The following RPS6KB1 variants were observed in gnomAD, a reference collection of about 807,000 sequenced individuals.
RPS6KB1 encodes ribosomal protein S6 kinase beta-1.
A neutral mutation model predicts 70.2 loss-of-function variants in RPS6KB1; 12 were observed. The observed-to-expected ratio is 0.17, with a 90% CI of 0.11 to 0.28. The LOEUF (loss-of-function observed/expected upper bound fraction) is 0.28, where lower values mean the gene tolerates loss of function less well. RPS6KB1 is among the 10% of genes least tolerant of loss of function. The probability of loss-of-function intolerance (pLI) is 1.00; values close to 1 mark genes in which losing one functional copy is unlikely to be tolerated. For synonymous variants in RPS6KB1, 175 were observed against 211.2 expected (o/e 0.83, Z 1.49); for missense variants, 270 against 646.6 (o/e 0.42, Z 6.32).
chr17:59,936,991 C>G (rs2044282143), intron 12 of RPS6KB1, among the ~76,000 whole-genome samples: 1 of 152,142 alleles, frequency 6.6e-6, no homozygotes, highest in African/African-American at 2.4e-5. Context: ...TCCCAAATAG[C>G]TACGACTACA....
intron 1 of RPS6KB1, among the ~76,000 whole-genome samples, chr17:59,906,402 G>A (rs1568398811): frequency 6.6e-6 from 1 of 152,078 alleles, no homozygotes; most frequent in South Asian, 2.1e-4. Flanking sequence ...TAGCTTTGTT[G>A]CCCAGGCTGG....
Position 59,935,631 on chromosome 17 carries a change from C to A in RPS6KB1, c.978+331C>A, listed in dbSNP as rs1427501627. Among the ~76,000 whole-genome samples the A allele has an allele frequency of 5.9e-5, 9 of 151,848 alleles. No homozygotes were observed. In the East Asian group the frequency reaches 1.7e-3, roughly 30 times the overall value. The stretch of plus-strand genomic sequence containing the variant: ...CTGGGATTACAGGCACCCGCCACCA[C>A]GCCCGGCTAATTTTTGTATTTTTAG... On this transcript the variant is annotated intron_variant, in intron 10 of 14. Transcript: ENST00000225577.
At chr17:59,944,002 T>C (rs796629719) in intron 13 of RPS6KB1, among the ~76,000 whole-genome samples, 2 of 151,754 alleles carry the variant, frequency 1.3e-5, no homozygotes, top group African/African-American at 4.8e-5. Flanking sequence ...TTTCAACAAA[T>C]ATTTTAATTC....
chr17:59,912,379 G>C (rs72840305), intron 2 of RPS6KB1: 1 of 257,620 alleles, frequency 3.9e-6, no homozygotes, highest in Non-Finnish European at 7.7e-6. Flanking sequence ...GATCTTACTT[G>C]AATGGATTAT....
rs561114134 is a variant in RPS6KB1, at chr17:59,905,189, G to A, written c.142-5373G>A. On this transcript the variant is annotated intron_variant, in intron 1 of 14. Coordinates refer to ENST00000225577, the MANE Select transcript of RPS6KB1 (RefSeq NM_003161.4). The stretch of plus-strand genomic sequence containing the variant: ...TGCGCCACTATGCCTGGCTAATTTT[G>A]TAGAGACCAAGTTTCACCATGTTGC... 2.0e-5 allele frequency among the ~76,000 whole-genome samples: 3 copies of A among 150,986 alleles called. No homozygotes were observed. In the South Asian group the frequency reaches 6.3e-4, roughly 32 times the overall value.
chr17:59,947,570 A>T lies in RPS6KB1; in HGVS notation c.*782A>T, dbSNP rs1329303593. 1 of 1,536,274 alleles carries T rather than the reference A, an allele frequency of 6.5e-7. No homozygotes were observed. Among genetic ancestry groups the T allele is most frequent in the Non-Finnish European group, 8.8e-7 (1 of 1,134,046 alleles). On this transcript the variant is annotated 3_prime_UTR_variant, in exon 15 of 15. Transcript: ENST00000225577. ...GAGAAAAAAAAAATGAATCTATTTA[A>T]TCATTTCTACTTGCAGTACTGCTAT...
intron 12 of RPS6KB1, among the ~76,000 whole-genome samples, chr17:59,937,287 GTTTGT>G (rs776300675): frequency 6.6e-6 from 1 of 151,914 alleles, no homozygotes; most frequent in Non-Finnish European, 1.5e-5. Context: ...CCTTTTTTTG[GTTTGT>G]TTTATTTTGC....
At chr17:59,941,822 CAG>C (rs2044611731) in intron 13 of RPS6KB1, among the ~76,000 whole-genome samples, 1 of 147,922 alleles carries the variant, frequency 6.8e-6, no homozygotes, top group Admixed American at 6.8e-5. Flanking sequence ...TTAGTAGAGA[CAG>C]GGTTTCACCA....
In RPS6KB1 at chr17:59,931,666, A is replaced by G. The variant is rs2043931072; in HGVS notation, c.632A>G (p.Gln211Arg). 13 of 1,613,806 alleles carry G rather than the reference A, an allele frequency of 8.1e-6. No individual in the cohort carries two copies. Among genetic ancestry groups the G allele is most frequent in the Non-Finnish European group, 1.1e-5 (13 of 1,179,706 alleles). The change falls in exon 7 of 15, where the codon CAA (glutamine) becomes CGA (arginine). Residue 211 changes from glutamine (Q) to arginine (R), a missense_variant. Coordinates refer to ENST00000225577, the MANE Select transcript of RPS6KB1 (RefSeq NM_003161.4). ...TCCATGGCTTTGGGGCATTTACATC[A>G]AAAGGGGATCATCTACAGAGACCTG... is the stretch of plus-strand genomic sequence containing the variant. ...EISMALGHLH[Q>R]KGIIYRDLKP...
rs1489969720 is a variant in RPS6KB1, at chr17:59,949,525, G to A, written c.*2737G>A. The A allele has an allele frequency of 6.6e-6, 1 of 151,932 alleles. No homozygotes were observed. Among genetic ancestry groups the A allele is most frequent in the African/African-American group, 2.4e-5 (1 of 41,216 alleles). 9.4% of individuals were successfully genotyped at this position (151,932 alleles called of 1,614,324 possible). On this transcript the variant is annotated 3_prime_UTR_variant, in exon 15 of 15. Coordinates refer to ENST00000225577, the MANE Select transcript of RPS6KB1 (RefSeq NM_003161.4). Reference sequence around the variant, plus strand: ...GTTTTTTAATTAAAATATAATCACTGAAGTTTACTAATTTGATTTTATAAG... The same window carrying A: ...GTTTTTTAATTAAAATATAATCACTAAAGTTTACTAATTTGATTTTATAAG...
chr17:59,894,242 G>C (rs1568357912), intron 1 of RPS6KB1, among the ~76,000 whole-genome samples: 7 of 152,040 alleles, frequency 4.6e-5, no homozygotes, highest in Admixed American at 3.9e-4. Flanking sequence ...CTGGCTTAGT[G>C]GTTTGTTAAT....
At chr17:59,896,128 A>G (rs1269052543) in intron 1 of RPS6KB1, among the ~76,000 whole-genome samples, 2 of 152,196 alleles carry the variant, frequency 1.3e-5, no homozygotes, top group Admixed American at 1.3e-4. Context: ...AAAACTGGAT[A>G]GGAAGGTGCT....
intron 1 of RPS6KB1, among the ~76,000 whole-genome samples, chr17:59,900,228 A>ACACACACC (rs1568377716): frequency 7.1e-6 from 1 of 140,118 alleles, no homozygotes; most frequent in African/African-American, 2.7e-5. Flanking sequence ...ACACACACAC[A>ACACACACC]CACCCCTATG....
At chr17:59,921,988 T>A (rs1472310305) in intron 4 of RPS6KB1, among the ~76,000 whole-genome samples, 1 of 152,156 alleles carries the variant, frequency 6.6e-6, no homozygotes, top group Non-Finnish European at 1.5e-5. Flanking sequence ...AACTGCAGAT[T>A]TCATAGCACT....
chr17:59,941,076 G>A, intron 13 of RPS6KB1, 133 bp downstream of exon 13: 1 of 568,374 alleles, frequency 1.8e-6, no homozygotes, highest in Non-Finnish European at 3.1e-6. Context: ...TTTTAAATAA[G>A]CCATGCCTTT....
intron 1 of RPS6KB1, among the ~76,000 whole-genome samples, chr17:59,908,819 C>T (rs1201715947): frequency 2.1e-5 from 3 of 141,362 alleles, no homozygotes; most frequent in South Asian, 2.2e-4. Flanking sequence ...GGGGTTTCAC[C>T]GTGTTAGCCA....
rs1404194913 is a variant in RPS6KB1 at position 59,916,498 on chromosome 17, A to G, written c.381+1795A>G. ...ATTTTGTTTTGCTTTCTTTGAATCTACTATTGTCCTCTGATGTCTTCCAAC... is the reference window on the plus strand; with the variant it reads ...ATTTTGTTTTGCTTTCTTTGAATCTGCTATTGTCCTCTGATGTCTTCCAAC... On this transcript the variant is annotated intron_variant, in intron 4 of 14. Transcript: ENST00000225577. 5.9e-5 allele frequency among the ~76,000 whole-genome samples: 9 copies of G among 152,276 alleles called. No homozygotes were observed. The East Asian group carries it at 1.7e-3, about 29-fold the overall frequency.
chr17:59,912,839 G>A, intron 3 of RPS6KB1, 35 bp downstream of exon 3: 1 of 1,605,718 alleles, frequency 6.2e-7, no homozygotes. Context: ...GCTGTTGTCT[G>A]TCTTGAATAG....
In RPS6KB1 at chr17:59,947,851, C is replaced by G. The variant is rs2045018379; in HGVS notation, c.*1063C>G. 2 of 430,800 alleles carry G rather than the reference C, an allele frequency of 4.6e-6. No individual in the cohort carries two copies. The highest frequency in any genetic ancestry group is 7.1e-5 in the East Asian group (2 of 28,216). 26.7% of individuals were successfully genotyped at this position (430,800 alleles called of 1,614,324 possible). ...GGGAAGAGGGTGTTGCTGTGGCCCACTCTCTGTCTAATCTCTTTACAGCAA... is the reference window on the plus strand; with the variant it reads ...GGGAAGAGGGTGTTGCTGTGGCCCAGTCTCTGTCTAATCTCTTTACAGCAA... On this transcript the variant is annotated 3_prime_UTR_variant, in exon 15 of 15. Coordinates refer to ENST00000225577, the MANE Select transcript of RPS6KB1 (RefSeq NM_003161.4).
Sources: allele counts gnomAD v4.1 joint callset (sites outside exome capture counted in the v4.1 genomes callset), GRCh38; gene constraint gnomAD v4.1.1; transcripts MANE v1.5; gene names NCBI Gene and HGNC (gene_info 2026-07-23, HGNC 2026-07-21).